The following JAKMIP2 variants were observed in gnomAD, a reference collection of about 807,000 sequenced individuals.
JAKMIP2 encodes the protein janus kinase and microtubule interacting protein 2, also known as janus kinase and microtubule-interacting protein 2.
In JAKMIP2, 25 loss-of-function variants were observed where a neutral mutation model predicts 115.0. The observed-to-expected ratio is 0.22, with a 90% CI of 0.16 to 0.30. JAKMIP2 has a LOEUF of 0.30. Ranked by LOEUF, JAKMIP2 falls within the 10% of genes least tolerant of loss-of-function variation. The probability of loss-of-function intolerance (pLI) is 1.00; values close to 1 mark genes in which losing one functional copy is unlikely to be tolerated. For synonymous variants in JAKMIP2, 334 were observed against 343.6 expected, an observed-to-expected ratio of 0.97 and a Z score of 0.31; for missense variants, 642 against 957.6, an observed-to-expected ratio of 0.67 and a Z score of 4.35.
At chr5:147,754,311 AG>A (rs1754667654) in intron 1 of JAKMIP2, among the ~76,000 whole-genome samples, 1 of 152,218 alleles carries the variant, frequency 6.6e-6, no homozygotes, top group South Asian at 2.1e-4. Flanking sequence ...ATTATATGCC[AG>A]GATGTGTCCT....
chr5:147,615,416 C>A (rs1161925487), intron 19 of JAKMIP2, among the ~76,000 whole-genome samples: 1 of 152,000 alleles, frequency 6.6e-6, no homozygotes, highest in Non-Finnish European at 1.5e-5. Context: ...CAAGTGGGAC[C>A]AGGATGTTTT....
chr5:147,750,676 T>C (rs1754517606), intron 1 of JAKMIP2, among the ~76,000 whole-genome samples: 1 of 152,068 alleles, frequency 6.6e-6, no homozygotes, highest in African/African-American at 2.4e-5. Context: ...AATTTATACG[T>C]TGAAGCCTTA....
rs1238435475 is a variant in JAKMIP2 at position 147,639,743 on chromosome 5, T to C, written c.1419A>G (p.Glu473=). ...TTAATTGTCGAAATCTTAGTTCAGA[T>C]TCTTCAGCTGCTAAACTCTTGAGGT... ...DDLDESLAAE[E]SELRFRQLTK... The change falls in exon 10 of 22, where the codon GAA becomes GAG. Residue 473 remains glutamate (E), a synonymous_variant. Coordinates refer to ENST00000616793, the MANE Select transcript of JAKMIP2 (RefSeq NM_001270941.2). 1 of 1,613,078 alleles carries C rather than the reference T, an allele frequency of 6.2e-7. No homozygotes were observed. Among genetic ancestry groups the C allele is most frequent in the South Asian group, 1.1e-5 (1 of 90,982 alleles).
At chr5:147,703,167 G>A (rs2126891904) in intron 1 of JAKMIP2, among the ~76,000 whole-genome samples, 1 of 152,056 alleles carries the variant, frequency 6.6e-6, no homozygotes, top group African/African-American at 2.4e-5. Context: ...GTATCTTTTG[G>A]TGATTTTGTC....
chr5:147,759,339 C>T (rs976112313), intron 1 of JAKMIP2, among the ~76,000 whole-genome samples: 1 of 151,978 alleles, frequency 6.6e-6, no homozygotes, highest in African/African-American at 2.4e-5. Context: ...CATATCAATT[C>T]GACTAATTAT....
At position 147,589,993 on chromosome 5, in the gene JAKMIP2, A is replaced by G. The variant is rs1755037080; in HGVS notation, c.*1714T>C. On this transcript the variant is annotated 3_prime_UTR_variant, in exon 22 of 22. Transcript: ENST00000616793. ...CTTTATGAAAAAGCATTTTAACCCC[A>G]TTTTGCAGATGAGGAAACTGAGGCA... is the stretch of plus-strand genomic sequence containing the variant. 1 of 152,216 alleles carries G rather than the reference A, an allele frequency of 6.6e-6. No individual in the cohort carries two copies. The highest frequency in any genetic ancestry group is 2.1e-4 in the South Asian group (1 of 4,824). The allele number at this position is 152,216 out of a possible 1,614,324, so 9.4% of individuals were successfully genotyped here. A position where few individuals can be genotyped will look rare whatever the true frequency, so the allele number is the denominator to read the frequency against.
intron 2 of JAKMIP2, among the ~76,000 whole-genome samples, chr5:147,666,327 A>G (rs1759297748): frequency 6.6e-6 from 1 of 152,184 alleles, no homozygotes; most frequent in African/African-American, 2.4e-5. Flanking sequence ...AAAATTATAA[A>G]CTATTCCTGA....
intron 1 of JAKMIP2, among the ~76,000 whole-genome samples, chr5:147,688,716 G>A (rs569729045): frequency 1.2e-4 from 18 of 152,258 alleles, no homozygotes; most frequent in Admixed American, 3.9e-4. Context: ...AAAGGATGGT[G>A]GCAAAAGATA....
intron 1 of JAKMIP2, among the ~76,000 whole-genome samples, chr5:147,672,428 C>T (rs956023109): frequency 5.3e-5 from 8 of 152,172 alleles, no homozygotes; most frequent in Non-Finnish European, 1.0e-4. Context: ...AAATGAATCA[C>T]CGGATTAACT....
At chr5:147,764,924 G>GAA (rs1561582369) in intron 1 of JAKMIP2, among the ~76,000 whole-genome samples, 60 of 63,052 alleles carry the variant, frequency 9.5e-4, no homozygotes, top group South Asian at 1.9e-3. Flanking sequence ...GAAAGAAAGA[G>GAA]AGAGAGAGAG....
chr5:147,702,297 T>A (rs1165833351), intron 1 of JAKMIP2, among the ~76,000 whole-genome samples: 1 of 130,466 alleles, frequency 7.7e-6, no homozygotes, highest in African/African-American at 3.0e-5. Flanking sequence ...CTTTGAGGAC[T>A]AGGGGGAAAG....
At position 147,671,854 on chromosome 5, in the gene JAKMIP2, G is replaced by T; in HGVS notation, c.-48C>A. 6.7e-7 allele frequency: 1 copy of T among 1,483,954 alleles called. No homozygotes were observed. The highest frequency in any genetic ancestry group is 9.0e-7 in the Non-Finnish European group (1 of 1,107,920). The allele number at this position is 1,483,954 out of a possible 1,614,324, so 91.9% of individuals were successfully genotyped here. A position where few individuals can be genotyped will look rare whatever the true frequency, so the allele number is the denominator to read the frequency against. ...GTTGGTTTTTAATTTCTTTCAAGCA[G>T]GTGCTGCCATGTTACTGTTTCTTAT... On this transcript the variant is annotated 5_prime_UTR_variant, in exon 2 of 22. The change creates a new upstream start codon in the 5' untranslated region. Transcript: ENST00000616793.
At chr5:147,603,765 G>A (rs1755840414) in intron 20 of JAKMIP2, among the ~76,000 whole-genome samples, 1 of 152,176 alleles carries the variant, frequency 6.6e-6, no homozygotes, top group Non-Finnish European at 1.5e-5. Flanking sequence ...AGGAAGTTCA[G>A]ACCCGTAAAG....
intron 1 of JAKMIP2, among the ~76,000 whole-genome samples, chr5:147,764,692 C>G (rs1013475669): frequency 6.6e-6 from 1 of 151,526 alleles, no homozygotes; most frequent in Non-Finnish European, 1.5e-5. Flanking sequence ...TCAAGACCAT[C>G]CTAGCCAACA....
chr5:147,754,050 T>C (rs1561577120), intron 1 of JAKMIP2, among the ~76,000 whole-genome samples: 1 of 152,184 alleles, frequency 6.6e-6, no homozygotes, highest in Non-Finnish European at 1.5e-5. Flanking sequence ...ATTAAAGATA[T>C]TAAATGCTTC....
intron 21 of JAKMIP2, among the ~76,000 whole-genome samples, chr5:147,595,790 T>C (rs1349019219): frequency 7.9e-5 from 12 of 152,182 alleles, no homozygotes; most frequent in Non-Finnish European, 1.8e-4. Flanking sequence ...CTAGACACTG[T>C]TGGTTATGTG....
intron 20 of JAKMIP2, among the ~76,000 whole-genome samples, chr5:147,603,756 G>C (rs1333843545): frequency 6.6e-6 from 1 of 152,134 alleles, no homozygotes; most frequent in African/African-American, 2.4e-5. Flanking sequence ...TAAAAGTTCA[G>C]GAAGTTCAGA....
Position 147,628,732 on chromosome 5 carries a change from T to C in JAKMIP2, c.1995+19A>G. ...AGCCAGACACCGAGATGATTTGAAA[T>C]GTTTGTACGGCTCATTACCTTCTCT... On this transcript the variant is annotated intron_variant, in intron 16 of 21. Transcript: ENST00000616793. 6.2e-7 allele frequency: 1 copy of C among 1,601,824 alleles called. No individual in the cohort carries two copies. Among genetic ancestry groups the C allele is most frequent in the African/African-American group, 1.3e-5 (1 of 74,722 alleles).
At chr5:147,615,526 A>T (rs1409247457) in intron 19 of JAKMIP2, among the ~76,000 whole-genome samples, 2 of 151,916 alleles carry the variant, frequency 1.3e-5, no homozygotes, top group African/African-American at 4.8e-5. Context: ...CCTGCGTAAG[A>T]CTCTACTCAA....
Sources: gnomAD v4.1 joint callset for allele counts (sites outside exome capture counted in the v4.1 genomes callset) on GRCh38, gnomAD v4.1.1 for gene constraint, MANE v1.5 for transcripts, NCBI Gene and HGNC (gene_info 2026-07-23, HGNC 2026-07-21) for gene names.